Variants in FMN1 observed in about 807,000 individuals in gnomAD.
FMN1 encodes formin 1, also known as formin-1.
Under a neutral mutation model 132.4 loss-of-function variants are expected in FMN1, and 110 were observed. The ratio of observed to expected loss-of-function variants is 0.83; its 90% CI spans 0.71 to 0.97. The LOEUF is 0.97. FMN1 is among the 50% of genes least tolerant of loss of function. FMN1 has a pLI of 0.00. For synonymous variants in FMN1, 722 were observed against 651.7 expected (o/e 1.11, Z -1.64); for missense variants, 1,792 against 1,705.3 (o/e 1.05, Z -0.90).
intron 4 of FMN1, among the ~76,000 whole-genome samples, chr15:33,111,988 T>C (rs1015833252): frequency 2.6e-5 from 4 of 152,186 alleles, no homozygotes; most frequent in Non-Finnish European, 5.9e-5. Context: ...CAAGTTACCA[T>C]TTTATATGAA....
intron 12 of FMN1, chr15:32,908,254 G>A: frequency 4.6e-6 from 2 of 430,378 alleles, no homozygotes; most frequent in Non-Finnish European, 8.4e-6. Context: ...AAAAAGAAAG[G>A]GGAGTCTCTT....
At chr15:32,859,945 G>A (rs79062362) in intron 16 of FMN1, among the ~76,000 whole-genome samples, 1,608 of 152,174 alleles carry the variant, frequency 0.011, 18 homozygotes, top group African/African-American at 0.037. Context: ...GGCTGATCTG[G>A]GAGGGTTTTT....
chr15:32,843,971 G>A (rs1428180317), intron 17 of FMN1, among the ~76,000 whole-genome samples: 1 of 152,094 alleles, frequency 6.6e-6, no homozygotes, highest in African/African-American at 2.4e-5. Context: ...AATTTTCACT[G>A]AAAAATGTTA....
At chr15:32,879,321 A>G (rs1337827181) in intron 16 of FMN1, among the ~76,000 whole-genome samples, 1 of 152,238 alleles carries the variant, frequency 6.6e-6, no homozygotes, top group Non-Finnish European at 1.5e-5. Context: ...TGGCTAATGT[A>G]TCCAGTCTCG....
chr15:33,119,758 T>C (rs940790570), intron 4 of FMN1, among the ~76,000 whole-genome samples: 1 of 152,220 alleles, frequency 6.6e-6, no homozygotes, highest in Non-Finnish European at 1.5e-5. Flanking sequence ...GTTTGTACTA[T>C]ATTCGTCTTT....
At chr15:32,851,575 C>G (rs1424139090) in intron 17 of FMN1, among the ~76,000 whole-genome samples, 1 of 152,074 alleles carries the variant, frequency 6.6e-6, no homozygotes, top group Non-Finnish European at 1.5e-5. Flanking sequence ...AAAAAAGACA[C>G]GTAAGAAAAA....
At chr15:32,964,838 C>T (rs2031038545) in intron 8 of FMN1, among the ~76,000 whole-genome samples, 1 of 152,050 alleles carries the variant, frequency 6.6e-6, no homozygotes, top group African/African-American at 2.4e-5. Context: ...TATCTCAGTC[C>T]CCTAAACAAT....
chr15:32,834,986 G>A (rs139211697), intron 17 of FMN1, among the ~76,000 whole-genome samples: 1 of 152,232 alleles, frequency 6.6e-6, no homozygotes, highest in African/African-American at 2.4e-5. Flanking sequence ...GTTTGGCTTT[G>A]TGGCTTTGGA....
chr15:32,849,361 T>C (rs927138864), intron 17 of FMN1, among the ~76,000 whole-genome samples: 2 of 152,102 alleles, frequency 1.3e-5, no homozygotes, highest in Admixed American at 6.6e-5. Context: ...TTTATCTGAA[T>C]GATAAAATAA....
intron 17 of FMN1, among the ~76,000 whole-genome samples, chr15:32,847,185 A>T (rs1452171742): frequency 2.0e-5 from 3 of 152,186 alleles, no homozygotes. Flanking sequence ...GGGCCTACTC[A>T]AAGTTGTAAA....
intron 6 of FMN1, among the ~76,000 whole-genome samples, chr15:33,061,156 A>C (rs2141228067): frequency 6.6e-6 from 1 of 152,276 alleles, no homozygotes; most frequent in South Asian, 2.1e-4. Flanking sequence ...GCTAGATTTT[A>C]AAGGAATCTA....
At chr15:32,840,528 C>G (rs970679249) in intron 17 of FMN1, among the ~76,000 whole-genome samples, 1 of 152,200 alleles carries the variant, frequency 6.6e-6, no homozygotes, top group African/African-American at 2.4e-5. Flanking sequence ...AATCACTTTG[C>G]TTCAAAAACA....
At chr15:32,827,507 T>C (rs572454291) in intron 17 of FMN1, among the ~76,000 whole-genome samples, 4 of 152,318 alleles carry the variant, frequency 2.6e-5, no homozygotes, top group African/African-American at 9.6e-5. Context: ...AAAAGAGTTA[T>C]AATCATTTCA....
At chr15:33,096,603 CT>C (rs959940401) in intron 4 of FMN1, among the ~76,000 whole-genome samples, 180 of 147,136 alleles carry the variant, frequency 1.2e-3, no homozygotes, top group East Asian at 1.6e-3. Flanking sequence ...AACAAATCTA[CT>C]TTTTTTTTTT....
chr15:32,987,842 A>G (rs998624765), intron 7 of FMN1, among the ~76,000 whole-genome samples: 2 of 152,164 alleles, frequency 1.3e-5, no homozygotes, highest in Non-Finnish European at 2.9e-5. Context: ...GGAGCTCATA[A>G]AAGGGGAAAC....
intron 16 of FMN1, 39 bp downstream of exon 16, chr15:32,888,133 T>C: frequency 1.3e-6 from 2 of 1,541,716 alleles, no homozygotes; most frequent in South Asian, 2.4e-5. Context: ...TTAAAAGTAA[T>C]CTTAGCTATT....
intron 6 of FMN1, among the ~76,000 whole-genome samples, chr15:33,015,512 C>A (rs998799836): frequency 5.3e-5 from 8 of 152,244 alleles, no homozygotes; most frequent in African/African-American, 1.9e-4. Context: ...AAGCCTCCAC[C>A]GCATCACACA....
chr15:32,953,376 T>C lies in FMN1; in HGVS notation c.3138+10731A>G, dbSNP rs74014356. On this transcript the variant is annotated intron_variant, in intron 9 of 20. Coordinates refer to ENST00000616417, the MANE Select transcript of FMN1 (RefSeq NM_001277313.2). ...TAGCTGCTGCACACAGGAAGCCTCC[T>C]GGGCTGAGGCATAACTCAGAGTCAG... Among the ~76,000 whole-genome samples, 1,208 of 152,336 alleles carry C rather than the reference T, an allele frequency of 7.9e-3. 16 individuals carry two copies. Among genetic ancestry groups the C allele is most frequent in the African/African-American group, 0.028 (1,169 of 41,582 alleles).
At chr15:32,792,275 CAAAAAAA>C (rs11461605) in intron 19 of FMN1, among the ~76,000 whole-genome samples, 3 of 111,734 alleles carry the variant, frequency 2.7e-5, no homozygotes, top group Non-Finnish European at 3.6e-5. Flanking sequence ...CAGTCTCTAC[CAAAAAAA>C]AAAAAAAAAA....
Sources: allele counts gnomAD v4.1 joint callset (sites outside exome capture counted in the v4.1 genomes callset), GRCh38; gene constraint gnomAD v4.1.1; transcripts MANE v1.5; gene names NCBI Gene and HGNC (gene_info 2026-07-23, HGNC 2026-07-21).